The following PKIB variants were observed in gnomAD, a reference collection of about 807,000 sequenced individuals.
PKIB encodes PKI-beta.
PKIB carries 2 observed loss-of-function variants against 4.5 expected under a neutral mutation model. The observed-to-expected ratio is 0.44, with a 90% CI of 0.18 to 1.39. The LOEUF (loss-of-function observed/expected upper bound fraction) is 1.39, where lower values mean the gene tolerates loss of function less well. Among genes scored for constraint, PKIB ranks in the 40% most tolerant of loss-of-function variants. The pLI is 0.27. For missense variants in PKIB, 94 were observed against 92.6 expected (o/e 1.02, Z -0.06); for synonymous variants, 38 against 36.0 (o/e 1.06, Z -0.20).
At chr6:122,706,962 T>C (rs1779084463) in intron 3 of PKIB, among the ~76,000 whole-genome samples, 1 of 152,116 alleles carries the variant, frequency 6.6e-6, no homozygotes, top group African/African-American at 2.4e-5. Flanking sequence ...AAATTTATGT[T>C]TTTAAATATT....
At chr6:122,487,446 T>C (rs1340357662) in intron 2 of PKIB, among the ~76,000 whole-genome samples, 1 of 152,160 alleles carries the variant, frequency 6.6e-6, no homozygotes, top group Admixed American at 6.5e-5. Flanking sequence ...TAATCACCAG[T>C]GTGATGGTAT....
At chr6:122,513,318 G>A (rs967138682) in intron 2 of PKIB, among the ~76,000 whole-genome samples, 6 of 152,158 alleles carry the variant, frequency 3.9e-5, no homozygotes, top group Admixed American at 2.0e-4. Context: ...GAAGCTTTCC[G>A]TTGTGTAGTT....
At chr6:122,512,993 A>G (rs754460721) in intron 2 of PKIB, among the ~76,000 whole-genome samples, 36 of 152,144 alleles carry the variant, frequency 2.4e-4, no homozygotes, top group Non-Finnish European at 5.1e-4. Context: ...TGTATATCCA[A>G]TTTCTTAGTC....
At chr6:122,680,603 C>T (rs1488242073) in intron 3 of PKIB, among the ~76,000 whole-genome samples, 1 of 152,088 alleles carries the variant, frequency 6.6e-6, no homozygotes, top group Non-Finnish European at 1.5e-5. Context: ...TATGACAAGC[C>T]TCAGGGGAGA....
intron 2 of PKIB, among the ~76,000 whole-genome samples, chr6:122,653,696 C>G (rs1383980232): frequency 6.6e-6 from 1 of 151,830 alleles, no homozygotes; most frequent in East Asian, 1.9e-4. Context: ...CGCAGTGGCT[C>G]CCGCCTGTAA....
Position 122,679,659 on chromosome 6 carries a change from G to A in PKIB, c.-9+4515G>A, listed in dbSNP as rs150832379. ...TGCCTCCTGGGTTTCTGGGGTGGATGTACAGTGGTGTTCACTTGCAGGAAA... is the reference window on the plus strand; with the variant it reads ...TGCCTCCTGGGTTTCTGGGGTGGATATACAGTGGTGTTCACTTGCAGGAAA... On this transcript the variant is annotated intron_variant, in intron 3 of 4. Transcript: ENST00000368452. 1.2e-3 allele frequency among the ~76,000 whole-genome samples: 185 copies of A among 152,306 alleles called. 3 individuals are homozygous for A. In the East Asian group the frequency reaches 0.02, roughly 17 times the overall value.
chr6:122,715,743 T>C (rs1779465246), intron 3 of PKIB, among the ~76,000 whole-genome samples: 1 of 151,914 alleles, frequency 6.6e-6, no homozygotes, highest in Non-Finnish European at 1.5e-5. Flanking sequence ...CTGTTTTCTC[T>C]ATATAAAAAT....
chr6:122,637,444 A>G (rs557746822), intron 2 of PKIB, among the ~76,000 whole-genome samples: 1 of 152,138 alleles, frequency 6.6e-6, no homozygotes, highest in Non-Finnish European at 1.5e-5. Flanking sequence ...TGAAGAATAC[A>G]TAATATATCT....
chr6:122,688,561 A>G (rs1366828620), intron 3 of PKIB, among the ~76,000 whole-genome samples: 39 of 152,062 alleles, frequency 2.6e-4, no homozygotes, highest in Non-Finnish European at 1.5e-5. Context: ...GGTAGAATTT[A>G]GCAGTGAAGC....
intron 3 of PKIB, chr6:122,701,453 A>C (rs111347080): frequency 1.9e-6 from 3 of 1,585,566 alleles, no homozygotes. Flanking sequence ...GAAGCTTCAG[A>C]GATCACCTGC....
chr6:122,602,115 A>G (rs895070799), intron 3 of PKIB, among the ~76,000 whole-genome samples: 4 of 151,934 alleles, frequency 2.6e-5, no homozygotes, highest in Non-Finnish European at 4.4e-5. Context: ...ATTTACTCCT[A>G]GGAATCATAG....
Position 122,489,654 on chromosome 6 carries a change from A to G in PKIB, c.-248+11715A>G, listed in dbSNP as rs142582596. ...AGGTTTCTTTTGGGATATGAAGGAA[A>G]GATAAAGTTTCTGGCTAAGTAATTT... On this transcript the variant is annotated intron_variant, in intron 2 of 6. Transcript: ENST00000392491. Among the ~76,000 whole-genome samples the G allele has an allele frequency of 8.1e-4, 124 of 152,364 alleles. 1 individual carries two copies. In the East Asian group the frequency reaches 0.018, roughly 22 times the overall value.
intron 3 of PKIB, 148 bp from the exon 4 acceptor site, chr6:122,717,639 C>T (rs1389323019): frequency 9.0e-6 from 7 of 773,854 alleles, no homozygotes; most frequent in East Asian, 5.0e-5. Flanking sequence ...GCTGCAGGAC[C>T]GTAACAGTAG....
chr6:122,557,684 G>A (rs1772887240), intron 2 of PKIB, among the ~76,000 whole-genome samples: 1 of 152,184 alleles, frequency 6.6e-6, no homozygotes, highest in Non-Finnish European at 1.5e-5. Context: ...ATCGACAGAA[G>A]CCATAGATAA....
upstream of PKIB, among the ~76,000 whole-genome samples, chr6:122,608,382 A>G (rs1399261752): frequency 6.6e-6 from 1 of 152,230 alleles, no homozygotes; most frequent in Non-Finnish European, 1.5e-5. Context: ...CACAATTCAC[A>G]TGATTGTGTG....
intron 2 of PKIB, among the ~76,000 whole-genome samples, chr6:122,638,755 C>T (rs1776022223): frequency 6.6e-6 from 1 of 152,102 alleles, no homozygotes; most frequent in Admixed American, 6.5e-5. Context: ...GGATTTTTGC[C>T]AGGCAGGTCT....
chr6:122,700,651 C>A (rs990405585), intron 3 of PKIB, among the ~76,000 whole-genome samples: 1 of 152,216 alleles, frequency 6.6e-6, no homozygotes, highest in African/African-American at 2.4e-5. Flanking sequence ...CCGTTTCTGT[C>A]GTGTGGACTT....
At chr6:122,593,532 A>G (rs956127841) in intron 3 of PKIB, among the ~76,000 whole-genome samples, 1 of 152,186 alleles carries the variant, frequency 6.6e-6, no homozygotes, top group African/African-American at 2.4e-5. Context: ...TAGTGACTTT[A>G]TTACGTGAAT....
chr6:122,508,991 C>T (rs967955180), intron 2 of PKIB, among the ~76,000 whole-genome samples: 10 of 152,050 alleles, frequency 6.6e-5, no homozygotes, highest in African/African-American at 1.9e-4. Flanking sequence ...CCTAGTGATC[C>T]GCCCACCTCA....
Sources: allele counts gnomAD v4.1 joint callset (sites outside exome capture counted in the v4.1 genomes callset), GRCh38; gene constraint gnomAD v4.1.1; transcripts MANE v1.5; gene names NCBI Gene and HGNC (gene_info 2026-07-23, HGNC 2026-07-21).